The following ITGAL variants were observed in gnomAD, a reference collection of about 807,000 sequenced individuals.
The protein encoded by ITGAL is integrin alpha-L.
A neutral mutation model predicts 138.4 loss-of-function variants in ITGAL; 68 were observed. The observed-to-expected ratio is 0.49, with a 90% CI of 0.40 to 0.60. The LOEUF (loss-of-function observed/expected upper bound fraction) is 0.60. Ranked by LOEUF, ITGAL falls within the 20% of genes least tolerant of loss-of-function variation. The probability of loss-of-function intolerance (pLI) is 0.00; values close to 1 mark genes in which losing one functional copy is unlikely to be tolerated. For synonymous variants in ITGAL, 561 were observed against 584.3 expected (o/e 0.96, Z 0.57); for missense variants, 1,256 against 1,478.6 (o/e 0.85, Z 2.47).
intron 15 of ITGAL, among the ~76,000 whole-genome samples, chr16:30,498,510 A>G: frequency 6.6e-6 from 1 of 152,324 alleles, no homozygotes; most frequent in Non-Finnish European, 1.5e-5. Context: ...TAAGCATGAA[A>G]GTAACTCAGT....
Position 30,494,274 on chromosome 16 carries a change from C to G in ITGAL, c.1276C>G (p.Arg426Gly). The G allele has an allele frequency of 6.2e-7, 1 of 1,613,440 alleles. No individual in the cohort carries two copies. Among genetic ancestry groups the G allele is most frequent in the Non-Finnish European group, 8.5e-7 (1 of 1,179,534 alleles). ...TTCGTTGCTGGCCTCGGGAGCCCCT[C>G]GATACCAGCACATGGGCCGAGTGCT... ...KTSLLASGAP[R>G]YQHMGRVLLF... The change falls in exon 12 of 31, where the codon CGA becomes GGA. Residue 426 changes from arginine (R) to glycine (G), a missense_variant. This residue lies in a region of ITGAL where 867 missense variants were observed against 972.5 expected (regional missense o/e 0.89). Transcript: ENST00000356798. This position sits in a 1 kb window ranked among gnomAD's most constrained non-coding sequence, Gnocchi z 4.2.
At chr16:30,510,986 G>C (rs781037344) in intron 23 of ITGAL, 26 bp downstream of exon 23, 1 of 1,613,562 alleles carries the variant, frequency 6.2e-7, no homozygotes, top group African/African-American at 1.3e-5. Context: ...CCACATCCCT[G>C]CCATGGTCTC....
chr16:30,520,377 G>C (rs1302408920), intron 30 of ITGAL, among the ~76,000 whole-genome samples: 1 of 152,198 alleles, frequency 6.6e-6, no homozygotes, highest in Non-Finnish European at 1.5e-5. Context: ...CAAGGCTGCA[G>C]TGAGCCATGA....
rs761177939 is a variant in ITGAL at position 30,494,692 on chromosome 16, A to G, written c.1366-21A>G. The G allele has an allele frequency of 3.8e-6, 6 of 1,588,378 alleles. No homozygotes were observed. The highest frequency in any genetic ancestry group is 1.7e-5 in the Admixed American group (1 of 57,220). On this transcript the variant is annotated intron_variant, in intron 12 of 30. Transcript: ENST00000356798. This position sits in a 1 kb window ranked among gnomAD's most constrained non-coding sequence, Gnocchi z 4.2. ...TGCTGTTCCCACAGGCGCTTCCCCA[A>G]ACACCTGCCTCTCCCCACAGATTGG...
At chr16:30,518,870 C>G (rs530981225) in intron 29 of ITGAL, 151 bp downstream of exon 29, 26 of 649,792 alleles carry the variant, frequency 4.0e-5, no homozygotes, top group Non-Finnish European at 7.1e-5. Context: ...GCTTCTTCTC[C>G]CCTTGGTGGG....
rs1465396224 is a variant in ITGAL at position 30,521,558 on chromosome 16, C to T, written c.3406C>T (p.Pro1136Ser). 6.2e-7 allele frequency: 1 copy of T among 1,614,136 alleles called. No homozygotes were observed. Among genetic ancestry groups the T allele is most frequent in the Admixed American group, 1.7e-5 (1 of 60,004 alleles). The stretch of plus-strand genomic sequence containing the variant: ...TGGCAGAGGTGTCCCGAATGGAATC[C>T]CTGCAGAAGACTCTGAGCAGCTGGC... ...EAGRGVPNGI[P>S]AEDSEQLASG... The change falls in exon 31 of 31, where the codon CCT becomes TCT. Residue 1136 changes from proline to serine, a missense_variant. Transcript: ENST00000356798.
At position 30,494,384 on chromosome 16, in the gene ITGAL, TCTGCAGACCAGGGACTG is replaced by T; in HGVS notation, c.1365+22_1365+38del. 1 of 1,582,322 alleles carries T rather than the reference TCTGCAGACCAGGGACTG, an allele frequency of 6.3e-7. No individual in the cohort carries two copies. Among genetic ancestry groups the T allele is most frequent in the South Asian group, 1.1e-5 (1 of 89,350 alleles). ...CCCAGGTGCGCCCAGTCCGAGGGCATCTGCAGACCAGGGACTGGCGGGACACACATCACACTCCCTTC... is the reference window on the plus strand; with the variant it reads ...CCCAGGTGCGCCCAGTCCGAGGGCATGCGGGACACACATCACACTCCCTTC... On this transcript the variant is annotated intron_variant, in intron 12 of 30. Coordinates refer to ENST00000356798, the MANE Select transcript of ITGAL (RefSeq NM_002209.3). This position sits in a 1 kb window ranked among gnomAD's most constrained non-coding sequence, Gnocchi z 4.2.
At chr16:30,510,032 C>T (rs1299429406) in intron 21 of ITGAL, among the ~76,000 whole-genome samples, 1 of 137,680 alleles carries the variant, frequency 7.3e-6, no homozygotes, top group Non-Finnish European at 1.6e-5. Context: ...GAGTAAGATC[C>T]TATATTTAAA....
chr16:30,481,608 C>A, intron 7 of ITGAL, 24 bp downstream of exon 7: 1 of 1,610,748 alleles, frequency 6.2e-7, no homozygotes, highest in Non-Finnish European at 8.5e-7. Flanking sequence ...TGCAGGAGAG[C>A]ACGTGTCCTG....
At chr16:30,475,059 A>G (rs1344483311) in intron 2 of ITGAL, among the ~76,000 whole-genome samples, 2 of 151,982 alleles carry the variant, frequency 1.3e-5, no homozygotes, top group African/African-American at 4.8e-5. Flanking sequence ...GGGTTTCACC[A>G]TATTGGCCAG....
At chr16:30,503,163 A>G (rs1159776708) in intron 17 of ITGAL, among the ~76,000 whole-genome samples, 1 of 152,152 alleles carries the variant, frequency 6.6e-6, no homozygotes, top group Non-Finnish European at 1.5e-5. Context: ...AAACTAGAAA[A>G]AAAATAGTTT....
intron 11 of ITGAL, among the ~76,000 whole-genome samples, chr16:30,491,079 GAA>G (rs780873743): frequency 1.4e-5 from 2 of 140,418 alleles, no homozygotes; most frequent in Admixed American, 7.2e-5. Flanking sequence ...AGGTTGCAGT[GAA>G]AAAAAAAAAA....
intron 30 of ITGAL, 44 bp from the exon 31 acceptor site, chr16:30,521,448 T>G (rs753116924): frequency 3.7e-5 from 58 of 1,570,622 alleles, no homozygotes; most frequent in Non-Finnish European, 5.0e-5. Context: ...GGGGCCAAAG[T>G]GCTCAGTGAA....
intron 21 of ITGAL, among the ~76,000 whole-genome samples, chr16:30,508,447 A>G (rs1442000930): frequency 6.6e-6 from 1 of 150,508 alleles, no homozygotes; most frequent in Non-Finnish European, 1.5e-5. Flanking sequence ...TCCTGTCCTC[A>G]GGTGATCTAC....
Position 30,489,362 on chromosome 16 carries a change from C to T in ITGAL, c.1189C>T (p.Pro397Ser). The T allele has an allele frequency of 6.2e-7, 1 of 1,614,148 alleles. No individual in the cohort carries two copies. Among genetic ancestry groups the T allele is most frequent in the Non-Finnish European group, 8.5e-7 (1 of 1,180,006 alleles). Residue 397 changes from proline (P) to serine (S), a missense_variant, in exon 11 of 31, where the codon CCA becomes TCA. This residue lies in a region of ITGAL where 177 missense variants were observed against 288.8 expected (regional missense o/e 0.61). Coordinates refer to ENST00000356798, the MANE Select transcript of ITGAL (RefSeq NM_002209.3). ...ATTTATTGGGAATGAACCATTGACACCAGAAGTGAGAGCAGGCTATTTGGG... is the reference window on the plus strand; with the variant it reads ...ATTTATTGGGAATGAACCATTGACATCAGAAGTGAGAGCAGGCTATTTGGG... ...DTFIGNEPLT[P>S]EVRAGYLGYT...
intron 9 of ITGAL, among the ~76,000 whole-genome samples, chr16:30,486,111 G>A (rs1255788654): frequency 3.3e-5 from 5 of 152,168 alleles, no homozygotes; most frequent in Non-Finnish European, 5.9e-5. Flanking sequence ...TGGTTATGGA[G>A]GGCATTTCCC....
rs779624922 is a variant in ITGAL, at chr16:30,474,178, G to A, written c.62-18G>A. 1 of 1,573,456 alleles carries A rather than the reference G, an allele frequency of 6.4e-7. No individual in the cohort carries two copies. Among genetic ancestry groups the A allele is most frequent in the Non-Finnish European group, 8.6e-7 (1 of 1,157,584 alleles). On this transcript the variant is annotated intron_variant, in intron 1 of 30. Coordinates refer to ENST00000356798, the MANE Select transcript of ITGAL (RefSeq NM_002209.3). Reference sequence around the variant, plus strand: ...CGGGGGTCCCTCGGTCGCAGCTGACGACCCTTGCCTTCCTCAGCGCCGGCC... The same window carrying A: ...CGGGGGTCCCTCGGTCGCAGCTGACAACCCTTGCCTTCCTCAGCGCCGGCC...
At chr16:30,490,288 C>T (rs34499019) in intron 11 of ITGAL, among the ~76,000 whole-genome samples, 25,567 of 150,484 alleles carry the variant, frequency 0.17, 2,680 homozygotes, top group Non-Finnish European at 0.23. Context: ...AGCCCATATC[C>T]TCAGCCACCT....
chr16:30,489,243 T>C lies in ITGAL; in HGVS notation c.1081-11T>C. ...TGGGTAGCTGACCCGCTCATCTCCT[T>C]CCCTGGGCAGGGCCATGCAGTCGTG... On this transcript the variant is annotated splice_polypyrimidine_tract_variant and intron_variant, in intron 10 of 30. Coordinates refer to ENST00000356798, the MANE Select transcript of ITGAL (RefSeq NM_002209.3). 1.9e-6 allele frequency: 3 copies of C among 1,613,994 alleles called. No individual in the cohort carries two copies. The highest frequency in any genetic ancestry group is 2.5e-6 in the Non-Finnish European group (3 of 1,179,940).
Sources: gnomAD v4.1 joint callset for allele counts (sites outside exome capture counted in the v4.1 genomes callset) on GRCh38, gnomAD v4.1.1 for gene constraint, gnomAD v4.1.1 regional missense constraint, Gnocchi (gnomAD v3.1) non-coding constraint, MANE v1.5 for transcripts, NCBI Gene and HGNC (gene_info 2026-07-23, HGNC 2026-07-21) for gene names.